COL28A1: variants seen among roughly 807,000 people sequenced by gnomAD.
COL28A1 encodes collagen alpha-1(XXVIII) chain.
COL28A1 carries 161 observed loss-of-function variants against 150.2 expected under a neutral mutation model. That is an observed-to-expected ratio of 1.07 (90% CI 0.94 to 1.22). COL28A1 has a LOEUF of 1.22. Among genes scored for constraint, COL28A1 ranks in the 50% most tolerant of loss-of-function variants. The probability of loss-of-function intolerance (pLI) is 0.00; values close to 1 mark genes in which losing one functional copy is unlikely to be tolerated. For missense variants in COL28A1, 1,617 were observed against 1,388.3 expected (o/e 1.16, Z -2.62); for synonymous variants, 552 against 469.7 (o/e 1.18, Z -2.26).
At chr7:7,431,350 C>A in intron 25 of COL28A1, 1 of 328,418 alleles carries the variant, frequency 3.0e-6, no homozygotes, top group South Asian at 2.5e-5. Flanking sequence ...TCCAGGAAAA[C>A]CTTCACTCTC....
At chr7:7,433,623 G>C (rs1456608871) in intron 23 of COL28A1, among the ~76,000 whole-genome samples, 1 of 144,612 alleles carries the variant, frequency 6.9e-6, no homozygotes, top group Non-Finnish European at 1.5e-5. Context: ...GACAGAGCAA[G>C]GCTCTGTCTC....
intron 27 of COL28A1, among the ~76,000 whole-genome samples, chr7:7,405,527 A>C (rs1037646738): frequency 2.0e-5 from 3 of 152,198 alleles, no homozygotes; most frequent in African/African-American, 7.2e-5. Flanking sequence ...TTGAAATTTA[A>C]GAGGTACCAT....
chr7:7,427,300 T>A (rs1011003228), intron 25 of COL28A1, among the ~76,000 whole-genome samples: 1 of 152,314 alleles, frequency 6.6e-6, no homozygotes. Flanking sequence ...GGCTCTGGCT[T>A]TAATTAGTTC....
downstream of COL28A1, among the ~76,000 whole-genome samples, chr7:7,353,833 C>CT (rs1397224755): frequency 6.6e-6 from 1 of 152,116 alleles, no homozygotes; most frequent in Non-Finnish European, 1.5e-5. Context: ...AGCCTAGATA[C>CT]TCTAAAGGGT....
At chr7:7,419,090 T>C (rs1784260398) in intron 26 of COL28A1, among the ~76,000 whole-genome samples, 1 of 152,182 alleles carries the variant, frequency 6.6e-6, no homozygotes, top group Non-Finnish European at 1.5e-5. Flanking sequence ...ACATCTATTT[T>C]CCCTATTGAA....
intron 15 of COL28A1, among the ~76,000 whole-genome samples, chr7:7,471,773 C>G (rs1195071063): frequency 6.6e-6 from 1 of 151,988 alleles, no homozygotes; most frequent in African/African-American, 2.4e-5. Context: ...CGGGCACCTG[C>G]AATCCCAGCT....
At position 7,373,946 on chromosome 7, in the gene COL28A1, G is replaced by A. The variant is rs375525476; in HGVS notation, c.2360-400C>T. Among the ~76,000 whole-genome samples the A allele has an allele frequency of 3.4e-4, 50 of 148,470 alleles. No homozygotes were observed. The highest frequency in any genetic ancestry group is 5.0e-4 in the Non-Finnish European group (34 of 67,462). On this transcript the variant is annotated intron_variant, in intron 31 of 34. Coordinates refer to ENST00000399429, the MANE Select transcript of COL28A1 (RefSeq NM_001037763.3). This position sits in a 1 kb window ranked among gnomAD's most constrained non-coding sequence, Gnocchi z 4.1. ...GATCTCCTGACCTCGTGATATGCCC[G>A]CCTCGGCCTCCCAAAGTGCTGGGAT...
intron 27 of COL28A1, among the ~76,000 whole-genome samples, chr7:7,388,971 C>G (rs1460252578): frequency 6.6e-6 from 1 of 152,224 alleles, no homozygotes; most frequent in Admixed American, 6.5e-5. Context: ...ATGATAGTTT[C>G]TTTTGCTGTG....
chr7:7,369,193 C>G (rs995805229), intron 33 of COL28A1, among the ~76,000 whole-genome samples: 1 of 152,134 alleles, frequency 6.6e-6, no homozygotes, highest in Admixed American at 6.5e-5. Context: ...TGGTAAGTCA[C>G]ACAAACAGGA....
intron 20 of COL28A1, among the ~76,000 whole-genome samples, chr7:7,441,139 C>G (rs1467243028): frequency 2.0e-5 from 3 of 152,184 alleles, no homozygotes; most frequent in Admixed American, 1.3e-4. Context: ...ATTTATAGTT[C>G]ATTTTCACCC....
chr7:7,350,424 A>G, the COL28A1 span, among the ~76,000 whole-genome samples: 20 of 152,146 alleles, frequency 1.3e-4, no homozygotes, highest in Non-Finnish European at 2.5e-4. Context: ...TAGTATAAGG[A>G]AAGCTAAGAT....
intron 32 of COL28A1, among the ~76,000 whole-genome samples, chr7:7,372,600 A>G (rs1281002009): frequency 6.6e-6 from 1 of 151,940 alleles, no homozygotes; most frequent in Non-Finnish European, 1.5e-5. Flanking sequence ...TTCAGCAGGT[A>G]CTTCTTAATT....
At chr7:7,388,703 C>G (rs1342494030) in intron 27 of COL28A1, among the ~76,000 whole-genome samples, 3 of 152,162 alleles carry the variant, frequency 2.0e-5, no homozygotes, top group Non-Finnish European at 2.9e-5. Context: ...GCCATTCTAA[C>G]TGGTGTGAGA....
intron 11 of COL28A1, among the ~76,000 whole-genome samples, chr7:7,496,178 G>A (rs1216255224): frequency 1.3e-5 from 2 of 151,918 alleles, no homozygotes; most frequent in African/African-American, 4.8e-5. Flanking sequence ...TTTTTTCTGA[G>A]CATTCATTAC....
intron 22 of COL28A1, among the ~76,000 whole-genome samples, chr7:7,437,017 G>T (rs1206193387): frequency 6.6e-6 from 1 of 152,178 alleles, no homozygotes; most frequent in Non-Finnish European, 1.5e-5. Context: ...CAGCCTAGGG[G>T]AAAGAGTGAG....
In COL28A1 at chr7:7,433,302, C is replaced by T. The variant is rs373649825; in HGVS notation, c.1861-602G>A. Among the ~76,000 whole-genome samples the T allele has an allele frequency of 8.6e-5, 13 of 151,942 alleles. No individual in the cohort carries two copies. In the East Asian group the frequency reaches 1.9e-3, roughly 23 times the overall value. ...CAGAAAATTTCTGACTCAAGTAAAA[C>T]GGGGGGAGAGAAAAAAATTAAGAAG... On this transcript the variant is annotated intron_variant, in intron 23 of 34. Coordinates refer to ENST00000399429, the MANE Select transcript of COL28A1 (RefSeq NM_001037763.3).
intron 3 of COL28A1, 36 bp downstream of exon 3, chr7:7,531,309 TATG>T: frequency 1.2e-6 from 1 of 804,408 alleles, no homozygotes; most frequent in East Asian, 2.5e-5. Context: ...ATGTCAATAT[TATG>T]ATGATAACTG....
chr7:7,430,794 G>A (rs1218245943), intron 25 of COL28A1, among the ~76,000 whole-genome samples: 2 of 151,948 alleles, frequency 1.3e-5, no homozygotes, highest in Non-Finnish European at 2.9e-5. Flanking sequence ...ATGCCTTAAA[G>A]AAAAAAGAAT....
downstream of COL28A1, among the ~76,000 whole-genome samples, chr7:7,357,295 C>T (rs1451914663): frequency 2.6e-5 from 4 of 152,146 alleles, no homozygotes; most frequent in African/African-American, 9.7e-5. Context: ...GGTGATCCAC[C>T]CACCTCGGCC....
Sources: allele counts gnomAD v4.1 joint callset (sites outside exome capture counted in the v4.1 genomes callset), GRCh38; gene constraint gnomAD v4.1.1; non-coding constraint Gnocchi (gnomAD v3.1); transcripts MANE v1.5; gene names NCBI Gene and HGNC (gene_info 2026-07-23, HGNC 2026-07-21).